Variants in PI4KA observed in about 807,000 individuals in gnomAD.
PI4KA encodes the protein PI4-kinase alpha.
In PI4KA, 122 loss-of-function variants were observed where a neutral mutation model predicts 271.4. The ratio of observed to expected loss-of-function variants is 0.45; its 90% CI spans 0.39 to 0.52. The LOEUF (loss-of-function observed/expected upper bound fraction) is 0.52. PI4KA is among the 20% of genes least tolerant of loss of function. The pLI is 0.00. For missense variants in PI4KA, 1,969 were observed against 2,769.1 expected (o/e 0.71, Z 6.48); for synonymous variants, 1,041 against 1,078.8 (o/e 0.96, Z 0.69).
intron 32 of PI4KA, among the ~76,000 whole-genome samples, chr22:20,739,735 G>A (rs746388924): frequency 3.2e-4 from 49 of 152,106 alleles, no homozygotes; most frequent in Non-Finnish European, 6.6e-4. Context: ...ATGAAGGTAA[G>A]AGAATCTCAG....
intron 1 of PI4KA, among the ~76,000 whole-genome samples, chr22:20,847,104 C>T (rs1346651917): frequency 4.7e-5 from 7 of 149,760 alleles, no homozygotes; most frequent in South Asian, 2.1e-4. Flanking sequence ...GCCGAGATCA[C>T]GCCACTGCAC....
intron 38 of PI4KA, 44 bp downstream of exon 38, chr22:20,729,588 G>GGCAGGTGGCGGGCAGCAGGC (rs1189992522): frequency 1.3e-6 from 2 of 1,552,088 alleles, no homozygotes; most frequent in Admixed American, 3.9e-5. Flanking sequence ...GTGTCGTACA[G>GGCAGGTGGCGGGCAGCAGGC]GCAGGTGGCG....
intron 10 of PI4KA, among the ~76,000 whole-genome samples, chr22:20,805,384 A>G (rs1482548998): frequency 1.3e-5 from 2 of 152,190 alleles, no homozygotes; most frequent in Non-Finnish European, 2.9e-5. Context: ...AGAGGAAATG[A>G]TCATTTCCCA....
At chr22:20,752,774 C>G in intron 25 of PI4KA, 129 bp downstream of exon 25, 2 of 952,436 alleles carry the variant, frequency 2.1e-6, no homozygotes, top group Non-Finnish European at 3.3e-6. Context: ...GGCTGCATCA[C>G]CCTTAGGAGT....
intron 47 of PI4KA, among the ~76,000 whole-genome samples, 161 bp downstream of exon 47, chr22:20,714,297 C>T (rs574531628): frequency 5.0e-4 from 76 of 152,348 alleles, no homozygotes; most frequent in African/African-American, 1.7e-3. Flanking sequence ...TTTGAGCTCC[C>T]TGCCATCCCC....
chr22:20,747,804 G>A (rs1190023500), intron 28 of PI4KA, 102 bp from the exon 29 acceptor site: 4 of 1,136,964 alleles, frequency 3.5e-6, no homozygotes, highest in Non-Finnish European at 5.1e-6. Flanking sequence ...GCACGATCAT[G>A]GCTCATTGCA....
chr22:20,812,311 T>C (rs1417934768), intron 8 of PI4KA, among the ~76,000 whole-genome samples: 1 of 152,208 alleles, frequency 6.6e-6, no homozygotes, highest in East Asian at 1.9e-4. Flanking sequence ...ATTACCTATG[T>C]TGTAATGTCT....
chr22:20,803,043 G>A (rs1321392332), intron 13 of PI4KA, 148 bp downstream of exon 13: 1 of 754,230 alleles, frequency 1.3e-6, no homozygotes, highest in South Asian at 1.7e-5. Context: ...AGAAAGGCCT[G>A]GAGCTTGGAG....
intron 19 of PI4KA, among the ~76,000 whole-genome samples, chr22:20,786,654 A>G (rs1934256334): frequency 6.6e-6 from 1 of 152,138 alleles, no homozygotes; most frequent in African/African-American, 2.4e-5. Context: ...CTCAGACCAC[A>G]GGCACTGCCA....
chr22:20,748,129 C>CAGTAAGT (rs1930308233), intron 28 of PI4KA, among the ~76,000 whole-genome samples: 1 of 152,232 alleles, frequency 6.6e-6, no homozygotes, highest in East Asian at 1.9e-4. Context: ...GTCTGCCCCT[C>CAGTAAGT]CCTAACTAGC....
chr22:20,784,705 G>A (rs943123750), intron 19 of PI4KA, among the ~76,000 whole-genome samples: 5 of 152,148 alleles, frequency 3.3e-5, no homozygotes, highest in African/African-American at 4.8e-5. Flanking sequence ...TTAGCCTACC[G>A]AGGACACATC....
At chr22:20,715,002 G>A (rs544408379) in intron 45 of PI4KA, among the ~76,000 whole-genome samples, 4 of 152,202 alleles carry the variant, frequency 2.6e-5, no homozygotes, top group African/African-American at 4.8e-5. Flanking sequence ...ACTGCTTCTG[G>A]GGGTGCGTGT....
At chr22:20,749,763 A>G (rs1930474842) in intron 28 of PI4KA, 142 bp downstream of exon 28, 1 of 629,064 alleles carries the variant, frequency 1.6e-6, no homozygotes, top group African/African-American at 1.8e-5. Flanking sequence ...TGAGGCATCT[A>G]TTATTCTCAG....
intron 23 of PI4KA, among the ~76,000 whole-genome samples, chr22:20,753,382 T>C (rs1465662737): frequency 6.6e-6 from 1 of 152,206 alleles, no homozygotes; most frequent in Non-Finnish European, 1.5e-5. Flanking sequence ...GAGTCAGATA[T>C]TGATATAATC....
chr22:20,719,156 C>A (rs1160354793), intron 43 of PI4KA, among the ~76,000 whole-genome samples: 2 of 151,880 alleles, frequency 1.3e-5, no homozygotes, highest in Non-Finnish European at 2.9e-5. Flanking sequence ...CTGCTGCACA[C>A]GCAGGGAGAA....
intron 40 of PI4KA, 96 bp from the exon 41 acceptor site, chr22:20,727,493 G>A: frequency 2.5e-6 from 3 of 1,198,422 alleles, no homozygotes; most frequent in African/African-American, 1.5e-5. Context: ...CATGAGAAGT[G>A]ATGTTTCTAA....
intron 4 of PI4KA, 61 bp from the exon 5 acceptor site, chr22:20,820,672 A>G (rs1258985703): frequency 8.4e-7 from 1 of 1,183,756 alleles, no homozygotes; most frequent in African/African-American, 1.5e-5. Context: ...AATATCACGA[A>G]ACTAAGTCAG....
In PI4KA at chr22:20,751,346, T is replaced by C. The variant is rs1341487558; in HGVS notation, c.3100A>G (p.Ile1034Val). ...DIHKDQPYYD[I>V]PDAPYRITVP... The stretch of plus-strand genomic sequence containing the variant: ...GTGATCCGGTAGGGGGCGTCGGGGA[T>C]GTCATAGTAAGGCTGATCCTTGTGA... Residue 1034 changes from isoleucine to valine, a missense_variant, in exon 27 of 55, where the codon ATC (isoleucine) becomes GTC (valine). Ile to Val is a conservative substitution (Grantham distance 29). Coordinates refer to ENST00000255882, the MANE Select transcript of PI4KA (RefSeq NM_058004.4). The C allele has an allele frequency of 5.0e-6, 8 of 1,613,834 alleles. No individual in the cohort carries two copies. Among genetic ancestry groups the C allele is most frequent in the Non-Finnish European group, 6.8e-6 (8 of 1,179,970 alleles).
chr22:20,801,742 G>A (rs1935343455), intron 14 of PI4KA, among the ~76,000 whole-genome samples: 1 of 150,150 alleles, frequency 6.7e-6, no homozygotes, highest in Non-Finnish European at 1.5e-5. Flanking sequence ...AAATTAGCTG[G>A]GCGTGGTGGT....
Sources: allele counts gnomAD v4.1 joint callset (sites outside exome capture counted in the v4.1 genomes callset), GRCh38; gene constraint gnomAD v4.1.1; transcripts MANE v1.5; gene names NCBI Gene and HGNC (gene_info 2026-07-23, HGNC 2026-07-21).